Variants in CTXN2 observed in about 807,000 individuals in gnomAD.
CTXN2 encodes cortexin 2, also known as cortexin-2.
A neutral mutation model predicts 5.7 loss-of-function variants in CTXN2; 3 were observed. The observed-to-expected ratio is 0.53, with a 90% confidence interval of 0.24 to 1.36. The LOEUF (loss-of-function observed/expected upper bound fraction) is 1.36, where lower values mean the gene tolerates loss of function less well. Among genes scored for constraint, CTXN2 ranks in the 40% most tolerant of loss-of-function variants. The pLI, the probability that CTXN2 is intolerant of heterozygous loss-of-function variation, is 0.17. For missense variants in CTXN2, 87 were observed against 93.0 expected, an observed-to-expected ratio of 0.94 and a Z score of 0.26; for synonymous variants, 38 against 36.4, an observed-to-expected ratio of 1.04 and a Z score of -0.16.
At chr15:48,187,099 T>C (rs558065434), upstream of CTXN2, among the ~76,000 whole-genome samples, 147 of 152,142 alleles carry the variant, frequency 9.7e-4, no homozygotes, top group African/African-American at 3.2e-3. Flanking sequence ...CATCTGTATA[T>C]ATGTATTTTT....
chr15:48,195,083 CAT>C (rs1254921465), intron 1 of CTXN2, among the ~76,000 whole-genome samples: 1 of 152,152 alleles, frequency 6.6e-6, no homozygotes. Context: ...AAGTGCCACA[CAT>C]GAGTACCACA....
At chr15:48,179,866 T>G (rs367546569) in intron 1 of CTXN2, among the ~76,000 whole-genome samples, 22 of 152,218 alleles carry the variant, frequency 1.4e-4, no homozygotes, top group African/African-American at 5.3e-4. Flanking sequence ...TGTTATTCTT[T>G]TGCTATTGTT....
chr15:48,196,367 C>T (rs1000125990), intron 1 of CTXN2, among the ~76,000 whole-genome samples: 1 of 152,066 alleles, frequency 6.6e-6, no homozygotes, highest in Non-Finnish European at 1.5e-5. Context: ...ATTTCAGCCA[C>T]ACTTTGTCAA....
At chr15:48,193,742 T>C (rs1416264223) in intron 1 of CTXN2, among the ~76,000 whole-genome samples, 6 of 152,116 alleles carry the variant, frequency 3.9e-5, no homozygotes, top group Admixed American at 6.6e-5. Flanking sequence ...TTTTTAATAA[T>C]ATTTTGTTAT....
At chr15:48,189,537 C>T (rs1243402653), upstream of CTXN2, 1 of 152,154 alleles carries the variant, frequency 6.6e-6, no homozygotes. Context: ...GGTTATAGAT[C>T]ATAGTATGGA....
At chr15:48,193,844 G>C (rs2040850817) in intron 1 of CTXN2, among the ~76,000 whole-genome samples, 1 of 152,082 alleles carries the variant, frequency 6.6e-6, no homozygotes, top group African/African-American at 2.4e-5. Flanking sequence ...CTTTGGATTT[G>C]TTGTTGAAAT....
chr15:48,198,417 T>C (rs1269235883), intron 1 of CTXN2, among the ~76,000 whole-genome samples: 1 of 152,156 alleles, frequency 6.6e-6, no homozygotes, highest in East Asian at 1.9e-4. Flanking sequence ...AAATATGTAT[T>C]GAATACCTAC....
At chr15:48,189,833 A>T (rs982393869), upstream of CTXN2, among the ~76,000 whole-genome samples, 1 of 152,048 alleles carries the variant, frequency 6.6e-6, no homozygotes, top group Non-Finnish European at 1.5e-5. Context: ...TTTTGAGACA[A>T]TGTCTCGCTC....
intron 1 of CTXN2, among the ~76,000 whole-genome samples, chr15:48,200,127 A>G (rs1037487611): frequency 6.6e-6 from 1 of 152,154 alleles, no homozygotes; most frequent in East Asian, 1.9e-4. Flanking sequence ...GGTCCAAACA[A>G]ATCTCAAGGG....
chr15:48,185,720 A>G (rs2040745451), intron 1 of CTXN2, among the ~76,000 whole-genome samples: 1 of 152,212 alleles, frequency 6.6e-6, no homozygotes, highest in Admixed American at 6.5e-5. Flanking sequence ...ATGCACAAAG[A>G]TCAGGAAGAA....
intron 1 of CTXN2, among the ~76,000 whole-genome samples, chr15:48,183,299 T>C (rs2040716510): frequency 6.6e-6 from 1 of 152,210 alleles, no homozygotes; most frequent in Non-Finnish European, 1.5e-5. Context: ...GTGTAAATTA[T>C]AGATAGAAAA....
At position 48,201,481 on chromosome 15, in the gene CTXN2, T is replaced by C; in HGVS notation, c.181T>C (p.Ser61Pro). The change falls in exon 2 of 2, where the codon TCC (serine) becomes CCC (proline). Residue 61 changes from serine (S) to proline (P), a missense_variant. Transcript: ENST00000417307. The stretch of plus-strand genomic sequence containing the variant: ...GCTAGACCCATATAGTAGCATGCCT[T>C]CCTCTACATGGGAAGATGAAGTTGA... ...ILLDPYSSMP[S>P]STWEDEVEEF... The C allele has an allele frequency of 1.9e-6, 3 of 1,551,150 alleles. No homozygotes were observed. Among genetic ancestry groups the C allele is most frequent in the South Asian group, 1.2e-5 (1 of 84,058 alleles).
chr15:48,202,990 A>T lies in CTXN2; in HGVS notation c.*1444A>T, dbSNP rs1357064274. 1 of 166,710 alleles carries T rather than the reference A, an allele frequency of 6.0e-6. No homozygotes were observed. The highest frequency in any genetic ancestry group is 1.5e-5 in the Non-Finnish European group (1 of 68,110). 10.3% of individuals were successfully genotyped at this position (166,710 alleles called of 1,614,324 possible). A position where few individuals can be genotyped will look rare whatever the true frequency, so the allele number is the denominator to read the frequency against. On this transcript the variant is annotated 3_prime_UTR_variant, in exon 2 of 2. Transcript: ENST00000417307. ...ACCAAGAGGTAGCACTAAGTTAGTT[A>T]CTTTCAATTTATTTGATACTCTTAT...
At chr15:48,193,373 C>A (rs1235053818) in intron 1 of CTXN2, among the ~76,000 whole-genome samples, 1 of 135,086 alleles carries the variant, frequency 7.4e-6, no homozygotes, top group Non-Finnish European at 1.6e-5. Context: ...TTAAACTGTG[C>A]ATTGTTTATT....
chr15:48,199,450 C>A (rs1056158968), intron 1 of CTXN2, among the ~76,000 whole-genome samples: 1 of 152,132 alleles, frequency 6.6e-6, no homozygotes, highest in Non-Finnish European at 1.5e-5. Context: ...TGTAGCCCAG[C>A]AAGTTTATGC....
rs1282779935 is a variant in CTXN2 at position 48,202,690 on chromosome 15, A to G, written c.*1144A>G. Reference sequence around the variant, plus strand: ...AGTATCTAAACATACCTTGCTATCAATATTTATTGTCCTCATCAGTAGCAG... The same window carrying G: ...AGTATCTAAACATACCTTGCTATCAGTATTTATTGTCCTCATCAGTAGCAG... On this transcript the variant is annotated 3_prime_UTR_variant, in exon 2 of 2. Coordinates refer to ENST00000417307, the MANE Select transcript of CTXN2 (RefSeq NM_001145668.2). 1.2e-5 allele frequency: 2 copies of G among 167,064 alleles called. No individual in the cohort carries two copies. The highest frequency in any genetic ancestry group is 2.4e-5 in the African/African-American group (1 of 41,474). The allele number at this position is 167,064 out of a possible 1,614,324, so 10.3% of individuals were successfully genotyped here. A position where few individuals can be genotyped will look rare whatever the true frequency, so the allele number is the denominator to read the frequency against.
rs1270253526 is a variant in CTXN2, at chr15:48,201,557, T to C, written c.*11T>C. On this transcript the variant is annotated 3_prime_UTR_variant, in exon 2 of 2. Transcript: ENST00000417307. ...TATGCACTCGCGTGAGAGTTCCAGC[T>C]ATATGGTTTTTATGGTTGTGCCATC... is the stretch of plus-strand genomic sequence containing the variant. 1 of 1,550,296 alleles carries C rather than the reference T, an allele frequency of 6.5e-7. No homozygotes were observed. The highest frequency in any genetic ancestry group is 1.2e-5 in the South Asian group (1 of 83,966).
chr15:48,183,959 T>C (rs970206931), intron 1 of CTXN2, among the ~76,000 whole-genome samples: 1 of 152,252 alleles, frequency 6.6e-6, no homozygotes, highest in Admixed American at 6.5e-5. Flanking sequence ...TCTTCCCAAG[T>C]GCCTTTGCTT....
intron 1 of CTXN2, among the ~76,000 whole-genome samples, chr15:48,182,675 A>AT (rs1345136229): frequency 4.6e-5 from 7 of 152,296 alleles, no homozygotes; most frequent in African/African-American, 1.7e-4. Context: ...TATTTCCATG[A>AT]TTTTCATTTC....
Sources: gnomAD v4.1 joint callset for allele counts (sites outside exome capture counted in the v4.1 genomes callset) on GRCh38, gnomAD v4.1.1 for gene constraint, MANE v1.5 for transcripts, NCBI Gene and HGNC (gene_info 2026-07-23, HGNC 2026-07-21) for gene names.